Variants in NAALADL2 observed in about 807,000 individuals in gnomAD.
NAALADL2 encodes the protein N-acetylated alpha-linked acidic dipeptidase like 2.
A neutral mutation model predicts 87.2 loss-of-function variants in NAALADL2; 76 were observed. That is an observed-to-expected ratio of 0.87 (90% CI 0.72 to 1.05). The LOEUF is 1.05. NAALADL2 is among the 50% of genes least tolerant of loss of function. NAALADL2 has a pLI of 0.00. For synonymous variants in NAALADL2, 354 were observed against 331.0 expected (o/e 1.07, Z -0.75); for missense variants, 1,089 against 945.8 (o/e 1.15, Z -1.99).
chr3:175,044,897 C>G (rs1395625279), intron 1 of NAALADL2, among the ~76,000 whole-genome samples: 1 of 149,898 alleles, frequency 6.7e-6, no homozygotes, highest in Admixed American at 6.7e-5. Context: ...TTGATTAATT[C>G]TAGTCACAGA....
intron 1 of NAALADL2, among the ~76,000 whole-genome samples, chr3:175,080,619 G>A (rs540024484): frequency 6.6e-6 from 1 of 152,274 alleles, no homozygotes; most frequent in Admixed American, 6.5e-5. Context: ...TTGGCTATAG[G>A]AAATGAGAAT....
chr3:174,829,554 T>G (rs1722404330), intron 3 of NAALADL2, among the ~76,000 whole-genome samples: 1 of 138,906 alleles, frequency 7.2e-6, no homozygotes, highest in African/African-American at 2.8e-5. Flanking sequence ...TTTGCTATTG[T>G]GAATAATGCC....
intron 1 of NAALADL2, among the ~76,000 whole-genome samples, chr3:175,084,776 T>C (rs866457918): frequency 3.3e-5 from 5 of 152,172 alleles, no homozygotes; most frequent in African/African-American, 1.2e-4. Flanking sequence ...GTATAATTCT[T>C]GGAGGTGGAA....
intron 2 of NAALADL2, among the ~76,000 whole-genome samples, chr3:175,232,695 A>C (rs1745165094): frequency 6.6e-6 from 1 of 152,200 alleles, no homozygotes; most frequent in Non-Finnish European, 1.5e-5. Context: ...GAACAAGCTC[A>C]GTTTAGGAGT....
intron 10 of NAALADL2, among the ~76,000 whole-genome samples, chr3:175,600,721 T>G (rs919670110): frequency 7.9e-5 from 12 of 151,530 alleles, no homozygotes; most frequent in Non-Finnish European, 1.5e-4. Context: ...GTATTTTTAG[T>G]AGAGACGGGT....
At chr3:174,644,570 A>G (rs1038389016) in intron 2 of NAALADL2, among the ~76,000 whole-genome samples, 1 of 152,020 alleles carries the variant, frequency 6.6e-6, no homozygotes, top group African/African-American at 2.4e-5. Flanking sequence ...CCCAGGAGCC[A>G]TGCAGTTTAA....
chr3:174,746,588 A>G (rs1007521611), intron 3 of NAALADL2, among the ~76,000 whole-genome samples: 1 of 151,414 alleles, frequency 6.6e-6, no homozygotes, highest in African/African-American at 2.5e-5. Context: ...AAGCTTTAAA[A>G]TTTATATAAA....
At chr3:174,873,310 A>G (rs547979194) in intron 1 of NAALADL2, among the ~76,000 whole-genome samples, 7 of 151,958 alleles carry the variant, frequency 4.6e-5, no homozygotes, top group African/African-American at 1.7e-4. Context: ...GCTGGAATGC[A>G]GTGGCACAAT....
intron 3 of NAALADL2, among the ~76,000 whole-genome samples, chr3:174,739,752 T>A (rs1419306364): frequency 6.6e-6 from 1 of 152,094 alleles, no homozygotes; most frequent in East Asian, 1.9e-4. Flanking sequence ...TCCAGTTCTT[T>A]GATAGCCAAG....
At chr3:175,535,509 C>T (rs1734696425) in intron 9 of NAALADL2, among the ~76,000 whole-genome samples, 2 of 152,174 alleles carry the variant, frequency 1.3e-5, no homozygotes, top group Non-Finnish European at 2.9e-5. Flanking sequence ...CATGGCCTAA[C>T]ACCTACCATA....
At chr3:175,354,853 G>A (rs909161128) in intron 5 of NAALADL2, among the ~76,000 whole-genome samples, 1 of 146,680 alleles carries the variant, frequency 6.8e-6, no homozygotes, top group Non-Finnish European at 1.5e-5. Context: ...GACTTATAGG[G>A]CACTATACAT....
intron 5 of NAALADL2, among the ~76,000 whole-genome samples, chr3:175,410,815 C>T (rs909891882): frequency 3.3e-5 from 5 of 151,978 alleles, no homozygotes; most frequent in East Asian, 1.9e-4. Flanking sequence ...TTACAGTGAG[C>T]GGCATAGGTT....
At chr3:175,801,422 C>T (rs1754131383) in intron 13 of NAALADL2, among the ~76,000 whole-genome samples, 1 of 152,058 alleles carries the variant, frequency 6.6e-6, no homozygotes, top group African/African-American at 2.4e-5. Flanking sequence ...TGGCCCTATA[C>T]TCTGATCTTA....
intron 6 of NAALADL2, among the ~76,000 whole-genome samples, chr3:175,460,850 A>G (rs985880421): frequency 6.6e-6 from 1 of 152,210 alleles, no homozygotes; most frequent in Non-Finnish European, 1.5e-5. Flanking sequence ...AAGAGTGCGC[A>G]GCAGCAATAT....
intron 9 of NAALADL2, among the ~76,000 whole-genome samples, chr3:175,509,220 G>A (rs779711558): frequency 6.6e-6 from 1 of 151,978 alleles, no homozygotes; most frequent in Non-Finnish European, 1.5e-5. Flanking sequence ...CAGTATCATG[G>A]CACTCATGTC....
chr3:175,629,377 T>TGA (rs1727455365), intron 11 of NAALADL2, among the ~76,000 whole-genome samples: 1 of 80,858 alleles, frequency 1.2e-5, no homozygotes, highest in African/African-American at 8.0e-5. Flanking sequence ...TATATATGAA[T>TGA]ATATATATAT....
intron 10 of NAALADL2, among the ~76,000 whole-genome samples, chr3:175,592,862 A>G (rs1721717197): frequency 6.6e-6 from 1 of 152,028 alleles, no homozygotes; most frequent in African/African-American, 2.4e-5. Flanking sequence ...CACATTGTGC[A>G]CATGTACCCT....
chr3:175,268,942 A>T (rs1358031595), intron 4 of NAALADL2, among the ~76,000 whole-genome samples: 3 of 143,018 alleles, frequency 2.1e-5, no homozygotes, highest in Non-Finnish European at 3.0e-5. Flanking sequence ...TAACTATTTA[A>T]TTTTTTTTTT....
intron 9 of NAALADL2, among the ~76,000 whole-genome samples, chr3:175,490,665 G>A (rs921588800): frequency 5.9e-5 from 9 of 151,858 alleles, no homozygotes; most frequent in Non-Finnish European, 1.5e-5. Context: ...AAAGTGCTGG[G>A]ATTACAGGCG....
Sources: gnomAD v4.1 joint callset for allele counts (sites outside exome capture counted in the v4.1 genomes callset) on GRCh38, gnomAD v4.1.1 for gene constraint, MANE v1.5 for transcripts, NCBI Gene and HGNC (gene_info 2026-07-23, HGNC 2026-07-21) for gene names.